Variants in SNX29 observed in about 807,000 individuals in gnomAD.
The protein encoded by SNX29 is sorting nexin 29, also known as sorting nexin-29.
Under a neutral mutation model 102.1 loss-of-function variants are expected in SNX29, and 78 were observed. That is an observed-to-expected ratio of 0.76 (90% CI 0.64 to 0.92). The LOEUF (loss-of-function observed/expected upper bound fraction) is 0.92. Ranked by LOEUF, SNX29 falls within the 40% of genes least tolerant of loss-of-function variation. The pLI is 0.00. For missense variants in SNX29, 1,280 were observed against 1,061.7 expected (o/e 1.21, Z -2.86); for synonymous variants, 580 against 414.5 (o/e 1.40, Z -4.85).
At chr16:12,426,224 A>G (rs1181606128) in intron 18 of SNX29, among the ~76,000 whole-genome samples, 4 of 152,066 alleles carry the variant, frequency 2.6e-5, no homozygotes, top group African/African-American at 7.2e-5. Flanking sequence ...TCTGTTTCCC[A>G]CTCATGCCAC....
intron 5 of SNX29, among the ~76,000 whole-genome samples, chr16:12,043,318 T>C (rs1009918132): frequency 3.3e-5 from 5 of 152,032 alleles, no homozygotes; most frequent in African/African-American, 1.2e-4. Flanking sequence ...TGGAGAGAGC[T>C]GTTGTCTTAG....
intron 13 of SNX29, among the ~76,000 whole-genome samples, chr16:12,199,393 A>C (rs1423739475): frequency 6.6e-6 from 1 of 152,170 alleles, no homozygotes; most frequent in Non-Finnish European, 1.5e-5. Flanking sequence ...CTCATGAAAG[A>C]ATAGTTCTTA....
At position 12,573,512 on chromosome 16, in the gene SNX29, C is replaced by T; in HGVS notation, c.*4883C>T. ...AGATTCACTGGTGGTTTAAGAGGCC[C>T]AGGGATTTAGTTCTTACTGGTGCGT... On this transcript the variant is annotated 3_prime_UTR_variant, in exon 21 of 21. Coordinates refer to ENST00000566228, the MANE Select transcript of SNX29 (RefSeq NM_032167.5). 4.5e-6 allele frequency: 1 copy of T among 224,250 alleles called. No individual in the cohort carries two copies. Among genetic ancestry groups the T allele is most frequent in the Non-Finnish European group, 8.9e-6 (1 of 112,478 alleles). 13.9% of individuals were successfully genotyped at this position (224,250 alleles called of 1,614,324 possible). A position where few individuals can be genotyped will look rare whatever the true frequency, so the allele number is the denominator to read the frequency against.
At chr16:12,301,240 G>A (rs1013816720) in intron 15 of SNX29, among the ~76,000 whole-genome samples, 12 of 152,102 alleles carry the variant, frequency 7.9e-5, no homozygotes, top group East Asian at 1.9e-4. Flanking sequence ...TTCTCTTGCC[G>A]GGAGTACTAC....
intron 14 of SNX29, among the ~76,000 whole-genome samples, chr16:12,239,626 G>C (rs1040713203): frequency 1.6e-4 from 20 of 124,788 alleles, no homozygotes; most frequent in Non-Finnish European, 2.6e-4. Context: ...CAAGGAGTGA[G>C]ACCCTGTTTC....
chr16:12,175,841 T>C (rs2076248442), intron 13 of SNX29, among the ~76,000 whole-genome samples: 1 of 151,820 alleles, frequency 6.6e-6, no homozygotes, highest in African/African-American at 2.4e-5. Flanking sequence ...ACCATGTTTC[T>C]ACAAAAATAA....
chr16:12,443,773 C>T (rs976878271), intron 18 of SNX29, among the ~76,000 whole-genome samples: 6 of 152,216 alleles, frequency 3.9e-5, no homozygotes, highest in African/African-American at 1.4e-4. Flanking sequence ...TAAAGCCAGT[C>T]CAAACTCTGC....
intron 20 of SNX29, among the ~76,000 whole-genome samples, chr16:12,563,238 A>C (rs147652726): frequency 1.3e-5 from 2 of 151,980 alleles, no homozygotes; most frequent in East Asian, 1.9e-4. Context: ...TGGCCTCCCC[A>C]TCATCACTGA....
intron 15 of SNX29, among the ~76,000 whole-genome samples, chr16:12,305,712 T>A (rs751016832): frequency 1.3e-5 from 2 of 152,234 alleles, no homozygotes; most frequent in African/African-American, 2.4e-5. Context: ...GGGTGTTGTG[T>A]ATCCAGACTC....
At chr16:12,380,382 ACCCACCCACCCC>A (rs2083035939) in intron 16 of SNX29, among the ~76,000 whole-genome samples, 1 of 54,608 alleles carries the variant, frequency 1.8e-5, no homozygotes, top group African/African-American at 7.3e-5. Flanking sequence ...TTATCCACCC[ACCCACCCACCCC>A]TCATCCATCC....
intron 11 of SNX29, among the ~76,000 whole-genome samples, chr16:12,117,370 G>A (rs1641857): frequency 8.8e-4 from 24 of 27,288 alleles, no homozygotes; most frequent in East Asian, 6.0e-3. Flanking sequence ...ACGTGCTTCA[G>A]TGCGGACGAA....
rs888986433 is a variant in SNX29, at chr16:12,569,287, C to G, written c.*658C>G. The G allele has an allele frequency of 4.4e-6, 1 of 229,202 alleles. No individual in the cohort carries two copies. The highest frequency in any genetic ancestry group is 1.8e-4 in the South Asian group (1 of 5,504). 14.2% of individuals were successfully genotyped at this position (229,202 alleles called of 1,614,324 possible). On this transcript the variant is annotated 3_prime_UTR_variant, in exon 21 of 21. Coordinates refer to ENST00000566228, the MANE Select transcript of SNX29 (RefSeq NM_032167.5). Reference sequence around the variant, plus strand: ...CTTGAGTTCAGAGAACTTCCCCTACCTCCCCCATGGCTGGCTTCAGGAAGG... The same window carrying G: ...CTTGAGTTCAGAGAACTTCCCCTACGTCCCCCATGGCTGGCTTCAGGAAGG...
chr16:12,506,671 C>T (rs1404487357), intron 19 of SNX29, among the ~76,000 whole-genome samples: 2 of 152,150 alleles, frequency 1.3e-5, no homozygotes, highest in South Asian at 2.1e-4. Flanking sequence ...TTCTTAGAAT[C>T]GTGTTCAGCA....
rs2087332193 is a variant in SNX29 at position 12,471,355 on chromosome 16, T to C, written c.2038-6364T>C. 2.0e-5 allele frequency among the ~76,000 whole-genome samples: 3 copies of C among 152,208 alleles called. No individual in the cohort carries two copies. The South Asian group carries it at 6.2e-4, about 31-fold the overall frequency. ...GTACAAAATGTTGTCCTGAATATAA[T>C]TGCTTAATTCTCCTCCTCTTCCAAA... On this transcript the variant is annotated intron_variant, in intron 18 of 20. Transcript: ENST00000566228.
intron 13 of SNX29, among the ~76,000 whole-genome samples, chr16:12,194,970 A>G (rs2076737106): frequency 6.6e-6 from 1 of 152,228 alleles, no homozygotes; most frequent in South Asian, 2.1e-4. Flanking sequence ...AAAGTGCTCT[A>G]GTAAAGTGCA....
intron 16 of SNX29, among the ~76,000 whole-genome samples, chr16:12,380,165 G>C (rs998882179): frequency 6.6e-6 from 1 of 151,946 alleles, no homozygotes; most frequent in Admixed American, 6.6e-5. Context: ...CTGACCTAAG[G>C]GCTGATCAGA....
chr16:12,281,275 C>G (rs923558667), intron 15 of SNX29, among the ~76,000 whole-genome samples: 1 of 152,080 alleles, frequency 6.6e-6, no homozygotes, highest in Non-Finnish European at 1.5e-5. Context: ...CATCCCAGTG[C>G]GAAGGGAGTT....
chr16:12,554,499 C>T (rs772443888), intron 20 of SNX29, among the ~76,000 whole-genome samples: 8 of 152,220 alleles, frequency 5.3e-5, no homozygotes, highest in African/African-American at 1.4e-4. Context: ...TTCCAAGCTT[C>T]CTCCGCAGCA....
intron 20 of SNX29, among the ~76,000 whole-genome samples, chr16:12,568,013 A>G (rs189948659): frequency 1.3e-3 from 193 of 152,288 alleles, no homozygotes; most frequent in Non-Finnish European, 2.3e-3. Context: ...ATACCATGCC[A>G]AACAACCTTT....
Sources: allele counts gnomAD v4.1 joint callset (sites outside exome capture counted in the v4.1 genomes callset), GRCh38; gene constraint gnomAD v4.1.1; transcripts MANE v1.5; gene names NCBI Gene and HGNC (gene_info 2026-07-23, HGNC 2026-07-21).